PLCL1: variants seen among roughly 807,000 people sequenced by gnomAD.
The protein encoded by PLCL1 is phospholipase C like 1 (inactive).
Under a neutral mutation model 84.4 loss-of-function variants are expected in PLCL1, and 41 were observed. That is an observed-to-expected ratio of 0.49 (90% confidence interval 0.38 to 0.63). The LOEUF is 0.63. Among genes scored for constraint, PLCL1 ranks in the 30% least tolerant of loss-of-function variants. The probability of loss-of-function intolerance (pLI) is 0.00; values close to 1 mark genes in which losing one functional copy is unlikely to be tolerated. For missense variants in PLCL1, 1,206 were observed against 1,367.8 expected (o/e 0.88, Z 1.87); for synonymous variants, 490 against 488.3 (o/e 1.00, Z -0.05).
rs1157941572 is a variant in PLCL1, at chr2:198,081,004, G to A, written c.241-2754G>A. 2.0e-5 allele frequency among the ~76,000 whole-genome samples: 3 copies of A among 152,194 alleles called. No homozygotes were observed. The East Asian group carries it at 5.8e-4, about 29-fold the overall frequency. Reference sequence around the variant, plus strand: ...ATTTAAGGAGATATGGCAGAGAAGAGCCTTGTAAGAGAAAGCTATTCTGAC... The same window carrying A: ...ATTTAAGGAGATATGGCAGAGAAGAACCTTGTAAGAGAAAGCTATTCTGAC... On this transcript the variant is annotated intron_variant, in intron 1 of 5. Coordinates refer to ENST00000428675, the MANE Select transcript of PLCL1 (RefSeq NM_006226.4).
At chr2:198,033,713 ACTTT>A (rs1180921473) in intron 1 of PLCL1, among the ~76,000 whole-genome samples, 1 of 152,054 alleles carries the variant, frequency 6.6e-6, no homozygotes, top group Admixed American at 6.6e-5. Context: ...TCTGTTGGAA[ACTTT>A]CTTTAACTTT....
At chr2:198,099,314 T>G (rs549290852) in intron 3 of PLCL1, among the ~76,000 whole-genome samples, 3 of 152,148 alleles carry the variant, frequency 2.0e-5, no homozygotes, top group South Asian at 2.1e-4. Context: ...AATCGACCAT[T>G]TTTTCTCCCT....
At chr2:197,878,050 A>G (rs934464184) in intron 1 of PLCL1, among the ~76,000 whole-genome samples, 1 of 152,164 alleles carries the variant, frequency 6.6e-6, no homozygotes, top group Non-Finnish European at 1.5e-5. Flanking sequence ...ATGCCTATGT[A>G]TATGGTAACA....
intron 1 of PLCL1, among the ~76,000 whole-genome samples, chr2:197,908,428 T>G (rs896779207): frequency 2.0e-5 from 3 of 152,238 alleles, no homozygotes; most frequent in Non-Finnish European, 4.4e-5. Context: ...TGACCCCGCA[T>G]CTGCCTTGCT....
At chr2:197,861,002 A>C (rs1406632811) in intron 1 of PLCL1, among the ~76,000 whole-genome samples, 1 of 152,024 alleles carries the variant, frequency 6.6e-6, no homozygotes, top group Non-Finnish European at 1.5e-5. Context: ...GTGGCACATG[A>C]CTGTGTTTGA....
intron 1 of PLCL1, among the ~76,000 whole-genome samples, chr2:197,996,156 T>C (rs1002340170): frequency 4.6e-5 from 7 of 151,764 alleles, no homozygotes; most frequent in Non-Finnish European, 1.0e-4. Flanking sequence ...TGGAAGGAGA[T>C]GATGAATTCT....
chr2:198,091,299 T>C (rs1693026515), intron 3 of PLCL1, among the ~76,000 whole-genome samples: 1 of 152,194 alleles, frequency 6.6e-6, no homozygotes, highest in Non-Finnish European at 1.5e-5. Flanking sequence ...TTGCATTGTA[T>C]TGGTTGGCAT....
rs139200107 is a variant in PLCL1 at position 198,062,727 on chromosome 2, G to T, written c.241-21031G>T. ...AAGAATCACTTGGGGGTGAGCCTAGGGTATCATTTGTTAAAAAAAATAAAT... is the reference window on the plus strand; with the variant it reads ...AAGAATCACTTGGGGGTGAGCCTAGTGTATCATTTGTTAAAAAAAATAAAT... On this transcript the variant is annotated intron_variant, in intron 1 of 5. Coordinates refer to ENST00000428675, the MANE Select transcript of PLCL1 (RefSeq NM_006226.4). Among the ~76,000 whole-genome samples, 177 of 151,958 alleles carry T rather than the reference G, an allele frequency of 1.2e-3. 1 individual carries two copies. Among genetic ancestry groups the T allele is most frequent in the African/African-American group, 4.1e-3 (171 of 41,446 alleles).
chr2:197,968,502 T>C (rs1378334067), intron 1 of PLCL1, among the ~76,000 whole-genome samples: 1 of 152,262 alleles, frequency 6.6e-6, no homozygotes, highest in Non-Finnish European at 1.5e-5. Context: ...TCCAACTCTT[T>C]AGAGATATTA....
rs1431963997 is a variant in PLCL1 at position 198,149,285 on chromosome 2, C to A, written c.*2323C>A. The A allele has an allele frequency of 1.3e-5, 2 of 152,308 alleles. No homozygotes were observed. Among genetic ancestry groups the A allele is most frequent in the East Asian group, 3.8e-4 (2 of 5,330 alleles). The allele number at this position is 152,308 out of a possible 1,614,324, so 9.4% of individuals were successfully genotyped here. On this transcript the variant is annotated 3_prime_UTR_variant, in exon 6 of 6. Coordinates refer to ENST00000428675, the MANE Select transcript of PLCL1 (RefSeq NM_006226.4). ...TGTGGTAGAAAAAGCCCCCTTCTCT[C>A]TTCTATCTACTTAGATTTGGTGATG...
intron 1 of PLCL1, among the ~76,000 whole-genome samples, chr2:197,893,765 T>C (rs1049788816): frequency 2.0e-5 from 3 of 149,666 alleles, no homozygotes; most frequent in Non-Finnish European, 4.5e-5. Flanking sequence ...TTTATTTGAA[T>C]GTTAGAGAAA....
intron 5 of PLCL1, among the ~76,000 whole-genome samples, chr2:198,136,379 C>A (rs1694256228): frequency 6.6e-6 from 1 of 151,964 alleles, no homozygotes; most frequent in Non-Finnish European, 1.5e-5. Flanking sequence ...TGCCCAAGGT[C>A]AAAAAGCTAG....
At chr2:198,120,610 A>G (rs1382065455) in intron 5 of PLCL1, among the ~76,000 whole-genome samples, 4 of 152,068 alleles carry the variant, frequency 2.6e-5, no homozygotes, top group South Asian at 4.1e-4. Context: ...AGTTAACACA[A>G]TGACCTCCAG....
Position 197,947,709 on chromosome 2 carries a change from C to T in PLCL1, c.241-136049C>T, listed in dbSNP as rs563172727. Among the ~76,000 whole-genome samples, 6 of 152,236 alleles carry T rather than the reference C, an allele frequency of 3.9e-5. No individual in the cohort carries two copies. The South Asian group carries it at 1.0e-3, about 26-fold the overall frequency. ...GAAGATAGTCTGAAGATCTGCCATG[C>T]AGAGTGATTATCCTCTGCTCTGAGT... is the stretch of plus-strand genomic sequence containing the variant. On this transcript the variant is annotated intron_variant, in intron 1 of 5. Coordinates refer to ENST00000428675, the MANE Select transcript of PLCL1 (RefSeq NM_006226.4).
At position 197,885,341 on chromosome 2, in the gene PLCL1, C is replaced by G. The variant is rs187910365; in HGVS notation, c.240+80002C>G. 2.4e-3 allele frequency among the ~76,000 whole-genome samples: 366 copies of G among 152,222 alleles called. 1 individual carries two copies. The highest frequency in any genetic ancestry group is 8.2e-3 in the Admixed American group (125 of 15,282). ...GTCCGAAGGCTGAGAGCCAGAGGAA[C>G]TGATGGTGTGAATCCCAGTCTGAAG... On this transcript the variant is annotated intron_variant, in intron 1 of 5. Transcript: ENST00000428675.
chr2:197,907,225 A>G (rs1688403469), intron 1 of PLCL1, among the ~76,000 whole-genome samples: 1 of 151,960 alleles, frequency 6.6e-6, no homozygotes, highest in African/African-American at 2.4e-5. Context: ...AGATATTCAA[A>G]TAGTCTTTTT....
intron 1 of PLCL1, among the ~76,000 whole-genome samples, chr2:197,973,982 G>T (rs1426376044): frequency 2.0e-5 from 3 of 152,218 alleles, no homozygotes; most frequent in Admixed American, 2.0e-4. Context: ...CTCAGACAAG[G>T]TTAGTGGCAG....
intron 1 of PLCL1, among the ~76,000 whole-genome samples, chr2:197,983,195 C>CTTTTTTTTTTTTTTTTTTTTTTTTTTTT (rs1690149660): frequency 1.9e-5 from 1 of 51,708 alleles, no homozygotes; most frequent in Non-Finnish European, 4.2e-5. Flanking sequence ...TTTTTCTTTT[C>CTTTTTTTTTTTTTTTTTTTTTTTTTTTT]TTTTCTTTTT....
At position 197,810,825 on chromosome 2, in the gene PLCL1, C is replaced by T. The variant is rs116639031; in HGVS notation, c.240+5486C>T. Among the ~76,000 whole-genome samples, 620 of 151,976 alleles carry T rather than the reference C, an allele frequency of 4.1e-3. 3 individuals are homozygous for T. Among genetic ancestry groups the T allele is most frequent in the African/African-American group, 0.014 (597 of 41,396 alleles). On this transcript the variant is annotated intron_variant, in intron 1 of 5. Coordinates refer to ENST00000428675, the MANE Select transcript of PLCL1 (RefSeq NM_006226.4). The stretch of plus-strand genomic sequence containing the variant: ...ACTGTGAATATTAAAAATAACTCCA[C>T]ATTCAGGAGCAATGTCCAAACTGAG...
Sources: gnomAD v4.1 joint callset for allele counts (sites outside exome capture counted in the v4.1 genomes callset) on GRCh38, gnomAD v4.1.1 for gene constraint, MANE v1.5 for transcripts, NCBI Gene and HGNC (gene_info 2026-07-23, HGNC 2026-07-21) for gene names.